EPB41: variants seen among roughly 807,000 people sequenced by gnomAD.
EPB41 encodes protein 4.1.
Under a neutral mutation model 108.0 loss-of-function variants are expected in EPB41, and 65 were observed. That is an observed-to-expected ratio of 0.60 (90% confidence interval 0.49 to 0.74). EPB41 has a LOEUF of 0.74. Ranked by LOEUF, EPB41 falls within the 30% of genes least tolerant of loss-of-function variation. EPB41 has a pLI of 0.00. For synonymous variants in EPB41, 336 were observed against 358.9 expected (o/e 0.94, Z 0.72); for missense variants, 875 against 1,037.0 (o/e 0.84, Z 2.15).
intron 1 of EPB41, among the ~76,000 whole-genome samples, chr1:28,921,539 G>A (rs186934445): frequency 6.6e-6 from 1 of 152,038 alleles, no homozygotes; most frequent in Non-Finnish European, 1.5e-5. Flanking sequence ...CACATGGAAG[G>A]CAGCTTAAAG....
intron 1 of EPB41, among the ~76,000 whole-genome samples, chr1:28,978,861 A>G (rs1557889776): frequency 6.6e-6 from 1 of 151,406 alleles, no homozygotes; most frequent in Non-Finnish European, 1.5e-5. Context: ...GATGAGAGTT[A>G]TACCATCAAC....
In EPB41 at chr1:29,118,450, T is replaced by C. The variant is rs553129278; in HGVS notation, c.*1638T>C. On this transcript the variant is annotated 3_prime_UTR_variant, in exon 21 of 21. Coordinates refer to ENST00000343067, the MANE Select transcript of EPB41 (RefSeq NM_001376013.1). ...AACAGAACTTCTCTAACCTTCCAACTGCTTCCCACAAACACATTGGCCTCA... is the reference window on the plus strand; with the variant it reads ...AACAGAACTTCTCTAACCTTCCAACCGCTTCCCACAAACACATTGGCCTCA... 1 of 152,336 alleles carries C rather than the reference T, an allele frequency of 6.6e-6. No homozygotes were observed. The highest frequency in any genetic ancestry group is 1.9e-4 in the East Asian group (1 of 5,180). 9.4% of individuals were successfully genotyped at this position (152,336 alleles called of 1,614,324 possible). A position where few individuals can be genotyped will look rare whatever the true frequency, so the allele number is the denominator to read the frequency against.
At chr1:28,996,615 A>G (rs991319869) in intron 3 of EPB41, among the ~76,000 whole-genome samples, 6 of 152,198 alleles carry the variant, frequency 3.9e-5, no homozygotes, top group African/African-American at 1.4e-4. Flanking sequence ...GAGATGGGGA[A>G]TATGAGATGG....
At chr1:29,111,874 G>A (rs1343462221) in intron 18 of EPB41, among the ~76,000 whole-genome samples, 1 of 151,518 alleles carries the variant, frequency 6.6e-6, no homozygotes, top group Admixed American at 6.6e-5. Context: ...CTACTCAGGA[G>A]GCTGAGGCAG....
intron 1 of EPB41, among the ~76,000 whole-genome samples, chr1:28,942,927 A>G (rs1321559673): frequency 6.6e-6 from 1 of 152,128 alleles, no homozygotes; most frequent in East Asian, 1.9e-4. Flanking sequence ...GACCAAATAT[A>G]TATTTCTTAC....
At chr1:28,994,100 A>G (rs1399538182) in intron 3 of EPB41, among the ~76,000 whole-genome samples, 1 of 152,196 alleles carries the variant, frequency 6.6e-6, no homozygotes, top group African/African-American at 2.4e-5. Context: ...TGATTGAATC[A>G]GGATTGAAGA....
In EPB41 at chr1:28,994,985, T is replaced by A. The variant is rs546737783; in HGVS notation, c.681+1443T>A. 4.7e-5 allele frequency among the ~76,000 whole-genome samples: 6 copies of A among 126,922 alleles called. No homozygotes were observed. In the South Asian group the frequency reaches 1.9e-3, roughly 39 times the overall value. 83.3% of individuals were successfully genotyped at this position (126,922 alleles called of 152,430 possible). On this transcript the variant is annotated intron_variant, in intron 3 of 20. Transcript: ENST00000343067. The stretch of plus-strand genomic sequence containing the variant: ...TTATTTCTTAATCACATTATTTATT[T>A]GCAAATGTAAATATGTTCAATCACA...
At chr1:28,969,005 G>C (rs1571615989) in intron 1 of EPB41, among the ~76,000 whole-genome samples, 1 of 143,732 alleles carries the variant, frequency 7.0e-6, no homozygotes, top group African/African-American at 2.6e-5. Context: ...CAAACTAAAT[G>C]AACTTCGCTT....
intron 10 of EPB41, among the ~76,000 whole-genome samples, chr1:29,037,086 G>A (rs766942362): frequency 6.6e-6 from 1 of 151,858 alleles, no homozygotes; most frequent in Non-Finnish European, 1.5e-5. Flanking sequence ...ACAGAAGAAA[G>A]TATTTCCTCT....
At chr1:29,025,288 C>T (rs2096705518) in intron 7 of EPB41, among the ~76,000 whole-genome samples, 1 of 152,006 alleles carries the variant, frequency 6.6e-6, no homozygotes, top group African/African-American at 2.4e-5. Flanking sequence ...AGTCACATAA[C>T]ACTGGAACAC....
At position 28,889,787 on chromosome 1, in the gene EPB41, G is replaced by A. The variant is rs16837744; in HGVS notation, c.-8+2577G>A. On this transcript the variant is annotated intron_variant, in intron 1 of 16. Coordinates refer to the EPB41 transcript ENST00000347529. ...CTGAGCCCAGGTGTGGAACCAAACCGAGCTTCATTCGGTTATTCTCTAAGC... is the reference window on the plus strand; with the variant it reads ...CTGAGCCCAGGTGTGGAACCAAACCAAGCTTCATTCGGTTATTCTCTAAGC... 2,087 of 985,236 alleles carry A rather than the reference G, an allele frequency of 2.1e-3. 36 individuals are homozygous for A. In the African/African-American group the frequency reaches 0.034, roughly 16 times the overall value. 61.0% of individuals were successfully genotyped at this position (985,236 alleles called of 1,614,324 possible). A position where few individuals can be genotyped will look rare whatever the true frequency, so the allele number is the denominator to read the frequency against.
intron 1 of EPB41, among the ~76,000 whole-genome samples, chr1:28,924,484 G>A (rs369341216): frequency 6.6e-6 from 1 of 151,976 alleles, no homozygotes; most frequent in African/African-American, 2.4e-5. Context: ...AGCTGAGATC[G>A]TGCCACTGCA....
chr1:29,062,135 G>T (rs1244887759), intron 15 of EPB41, among the ~76,000 whole-genome samples: 4 of 152,148 alleles, frequency 2.6e-5, no homozygotes, highest in African/African-American at 9.7e-5. Flanking sequence ...CTTGGCAACT[G>T]GATCTCTTTG....
chr1:29,094,131 T>C (rs1662332306), intron 16 of EPB41, among the ~76,000 whole-genome samples: 2 of 152,208 alleles, frequency 1.3e-5, no homozygotes, highest in Admixed American at 1.3e-4. Flanking sequence ...TCCTCATTGC[T>C]TGTTTTTGTC....
At position 29,112,361 on chromosome 1, in the gene EPB41, G is replaced by A; in HGVS notation, c.2416-7G>A. The A allele has an allele frequency of 1.2e-6, 2 of 1,610,874 alleles. No homozygotes were observed. Among genetic ancestry groups the A allele is most frequent in the South Asian group, 1.1e-5 (1 of 90,964 alleles). On this transcript the variant is annotated splice_region_variant and splice_polypyrimidine_tract_variant and intron_variant, in intron 18 of 20. Transcript: ENST00000343067. ...GATCTCATATGACATCTTCTCTTTG[G>A]TTCCAGACTGTAAAAGGTGGGATTT...
chr1:28,978,469 T>C (rs911558513), intron 1 of EPB41, among the ~76,000 whole-genome samples: 21 of 151,662 alleles, frequency 1.4e-4, no homozygotes, highest in Admixed American at 4.6e-4. Flanking sequence ...TTGTGTTTAT[T>C]TGGAAATTAA....
At chr1:28,978,626 C>T in intron 1 of EPB41, among the ~76,000 whole-genome samples, 1 of 151,248 alleles carries the variant, frequency 6.6e-6, no homozygotes, top group African/African-American at 2.5e-5. Flanking sequence ...AGGATGTTTC[C>T]AGAGGAGATT....
intron 6 of EPB41, among the ~76,000 whole-genome samples, chr1:29,017,563 C>T (rs1018167013): frequency 2.0e-5 from 3 of 152,194 alleles, no homozygotes; most frequent in African/African-American, 7.2e-5. Context: ...ATTAGTCTTA[C>T]AAGGTGGCTA....
At chr1:29,085,962 C>T (rs572557847) in intron 16 of EPB41, among the ~76,000 whole-genome samples, 43 of 152,222 alleles carry the variant, frequency 2.8e-4, no homozygotes, top group African/African-American at 7.5e-4. Flanking sequence ...TAATTCTTTC[C>T]TCTAACTACT....
Sources: allele counts gnomAD v4.1 joint callset (sites outside exome capture counted in the v4.1 genomes callset), GRCh38; gene constraint gnomAD v4.1.1; transcripts MANE v1.5; gene names NCBI Gene and HGNC (gene_info 2026-07-23, HGNC 2026-07-21).